The following CHST9 variants were observed in gnomAD, a reference collection of about 807,000 sequenced individuals.
CHST9 encodes the protein carbohydrate sulfotransferase 9.
In CHST9, 41 loss-of-function variants were observed where a neutral mutation model predicts 44.4. The ratio of observed to expected loss-of-function variants is 0.92; its 90% CI spans 0.72 to 1.20. CHST9 has a LOEUF of 1.20. Ranked by LOEUF, CHST9 falls within the 50% of genes most tolerant of loss-of-function variation. The pLI is 0.00. For missense variants in CHST9, 504 were observed against 516.5 expected (o/e 0.98, Z 0.23); for synonymous variants, 171 against 178.4 (o/e 0.96, Z 0.33).
At chr18:27,023,896 A>G (rs2057253453) in intron 4 of CHST9, among the ~76,000 whole-genome samples, 1 of 152,188 alleles carries the variant, frequency 6.6e-6, no homozygotes, top group Non-Finnish European at 1.5e-5. Flanking sequence ...TCCTTTGTAA[A>G]TCCCTTGAGG....
chr18:27,059,269 T>C (rs937236310), intron 2 of CHST9, among the ~76,000 whole-genome samples: 1 of 152,200 alleles, frequency 6.6e-6, no homozygotes, highest in East Asian at 1.9e-4. Flanking sequence ...TTTGAAACAA[T>C]GACATTAAAA....
At chr18:27,166,040 C>T (rs1431518072) in intron 1 of CHST9, among the ~76,000 whole-genome samples, 3 of 152,164 alleles carry the variant, frequency 2.0e-5, no homozygotes, top group Non-Finnish European at 4.4e-5. Flanking sequence ...CAGTGGTAAT[C>T]ATTGCTTTTT....
chr18:27,092,675 C>T (rs2058080674), intron 2 of CHST9, among the ~76,000 whole-genome samples: 1 of 152,124 alleles, frequency 6.6e-6, no homozygotes, highest in Non-Finnish European at 1.5e-5. Context: ...CAAAGAACAT[C>T]TTTATTTCTG....
At chr18:27,008,578 G>T (rs547650835) in intron 4 of CHST9, among the ~76,000 whole-genome samples, 37 of 152,302 alleles carry the variant, frequency 2.4e-4, no homozygotes, top group African/African-American at 8.7e-4. Flanking sequence ...GAAACAGTGT[G>T]TATTGAGCAG....
chr18:27,133,667 T>G (rs897660360), intron 2 of CHST9, among the ~76,000 whole-genome samples: 3 of 152,142 alleles, frequency 2.0e-5, no homozygotes, highest in African/African-American at 7.2e-5. Context: ...TATTACAAAT[T>G]GAGATCAGTG....
intron 2 of CHST9, among the ~76,000 whole-genome samples, chr18:27,122,529 A>G (rs1339657085): frequency 1.3e-5 from 2 of 152,210 alleles, no homozygotes; most frequent in Non-Finnish European, 2.9e-5. Flanking sequence ...AGTTTCAGTT[A>G]AGACTTAGGT....
At chr18:26,954,892 A>C (rs1303998379) in intron 4 of CHST9, among the ~76,000 whole-genome samples, 1 of 152,082 alleles carries the variant, frequency 6.6e-6, no homozygotes, top group Admixed American at 6.6e-5. Context: ...GACCCAGCTC[A>C]GTGATACTGA....
intron 2 of CHST9, among the ~76,000 whole-genome samples, chr18:27,078,391 G>A (rs893606511): frequency 6.6e-6 from 1 of 152,042 alleles, no homozygotes; most frequent in Non-Finnish European, 1.5e-5. Flanking sequence ...TGGTAGTTTG[G>A]TTCTACAAAG....
chr18:27,172,245 C>T (rs565427186), intron 1 of CHST9, among the ~76,000 whole-genome samples: 39 of 152,180 alleles, frequency 2.6e-4, no homozygotes, highest in Admixed American at 5.9e-4. Context: ...TTTCATACTG[C>T]TATAAATTCA....
chr18:26,992,789 A>C, intron 4 of CHST9, among the ~76,000 whole-genome samples: 1 of 152,210 alleles, frequency 6.6e-6, no homozygotes, highest in East Asian at 1.9e-4. Flanking sequence ...GAGCAATGCG[A>C]TGGCATTAAG....
rs148505595 is a variant in CHST9, at chr18:27,097,061, C to G, written c.121+45628G>C. Among the ~76,000 whole-genome samples, 36 of 152,162 alleles carry G rather than the reference C, an allele frequency of 2.4e-4. 2 individuals carry two copies. In the East Asian group the frequency reaches 7.0e-3, roughly 29 times the overall value. On this transcript the variant is annotated intron_variant, in intron 2 of 5. Transcript: ENST00000618847. Reference sequence around the variant, plus strand: ...TAGCAAACTGAATTCAACAGCACATCAAAAAGTTAATTTACCATGATCAAA... The same window carrying G: ...TAGCAAACTGAATTCAACAGCACATGAAAAAGTTAATTTACCATGATCAAA...
intron 4 of CHST9, among the ~76,000 whole-genome samples, chr18:26,949,496 T>C (rs566873162): frequency 2.0e-5 from 3 of 151,640 alleles, no homozygotes; most frequent in South Asian, 2.1e-4. Context: ...CCTAGAAACA[T>C]AGTGAGACCC....
At chr18:27,053,946 G>A (rs1399107555) in intron 2 of CHST9, among the ~76,000 whole-genome samples, 2 of 152,160 alleles carry the variant, frequency 1.3e-5, no homozygotes, top group African/African-American at 4.8e-5. Context: ...CCCTTCTTCT[G>A]TGCTTCTGTA....
At chr18:27,057,616 T>C (rs1249044236) in intron 2 of CHST9, among the ~76,000 whole-genome samples, 1 of 152,234 alleles carries the variant, frequency 6.6e-6, no homozygotes, top group Non-Finnish European at 1.5e-5. Flanking sequence ...CAGCGAGTAC[T>C]GTGAGCTCCA....
At chr18:27,129,138 ATGT>A (rs1439671033) in intron 2 of CHST9, among the ~76,000 whole-genome samples, 1 of 151,498 alleles carries the variant, frequency 6.6e-6, no homozygotes, top group Non-Finnish European at 1.5e-5. Flanking sequence ...CACACACAAA[ATGT>A]ACTTTCAAGT....
intron 2 of CHST9, among the ~76,000 whole-genome samples, chr18:27,095,659 A>G (rs1598720603): frequency 6.6e-6 from 1 of 152,190 alleles, no homozygotes; most frequent in African/African-American, 2.4e-5. Context: ...GATAAAACAG[A>G]TTTTAAACCA....
intron 2 of CHST9, among the ~76,000 whole-genome samples, chr18:27,062,710 G>A (rs1285777938): frequency 6.6e-6 from 1 of 152,122 alleles, no homozygotes; most frequent in African/African-American, 2.4e-5. Flanking sequence ...GGTATTTCTA[G>A]TTCTAGATCC....
chr18:26,916,324 GTC>G lies in CHST9; in HGVS notation c.1265_1266del (p.Arg422ThrfsTer5). On this transcript the variant is annotated frameshift_variant, in exon 6 of 6. Transcript: ENST00000618847. LOFTEE classifies it high-confidence loss of function. ...AAGTAATAAAAGTCATAGATTAATT[GTC>G]TCTCAGTTCTAGTCAGATCCTTTAA... is the stretch of plus-strand genomic sequence containing the variant. Reference protein sequence around the residue: ...QYLKDLTRTERQLIYDFYYLD... With the variant: ...QYLKDLTRTEXQLIYDFYYLD... The G allele has an allele frequency of 1.2e-6, 2 of 1,609,036 alleles. No homozygotes were observed. Among genetic ancestry groups the G allele is most frequent in the South Asian group, 2.2e-5 (2 of 90,788 alleles).
intron 1 of CHST9, among the ~76,000 whole-genome samples, chr18:27,153,404 T>C (rs1244969300): frequency 1.3e-5 from 2 of 152,094 alleles, no homozygotes; most frequent in Admixed American, 1.3e-4. Context: ...CCTCCTTGCC[T>C]CTTTAGGTTT....
Sources: allele counts gnomAD v4.1 joint callset (sites outside exome capture counted in the v4.1 genomes callset), GRCh38; gene constraint gnomAD v4.1.1; transcripts MANE v1.5; gene names NCBI Gene and HGNC (gene_info 2026-07-23, HGNC 2026-07-21).